Variants in MLYCD observed in about 807,000 individuals in gnomAD.
The protein encoded by MLYCD is malonyl-CoA decarboxylase, also known as malonyl-CoA decarboxylase, mitochondrial.
A neutral mutation model predicts 35.8 loss-of-function variants in MLYCD; 27 were observed. That is an observed-to-expected ratio of 0.75 (90% CI 0.56 to 1.04). The LOEUF (loss-of-function observed/expected upper bound fraction) is 1.04. MLYCD is among the 50% of genes least tolerant of loss of function. The probability of loss-of-function intolerance (pLI) is 0.00; values close to 1 mark genes in which losing one functional copy is unlikely to be tolerated. For missense variants in MLYCD, 917 were observed against 665.1 expected (o/e 1.38, Z -4.17); for synonymous variants, 403 against 302.4 (o/e 1.33, Z -3.45).
rs770932669 is a variant in MLYCD at position 83,899,595 on chromosome 16, G to T, written c.451G>T (p.Val151Leu). ...FHHISKLDGG[V>L]RFLVQLRADL... ...CCACATCAGCAAGCTGGACGGCGGC[G>T]TGCGCTTCCTGGTGCAGCTGCGGGC... Residue 151 changes from valine (V) to leucine (L), a missense_variant, in exon 1 of 5, where the codon GTG (valine) becomes TTG (leucine). Transcript: ENST00000262430. The T allele has an allele frequency of 2.5e-6, 4 of 1,587,908 alleles. No homozygotes were observed. In the African/African-American group the frequency reaches 5.4e-5, roughly 21 times the overall value.
intron 4 of MLYCD, chr16:83,913,445 T>A (rs1385363454): frequency 6.6e-6 from 1 of 152,260 alleles, no homozygotes; most frequent in East Asian, 1.9e-4. Flanking sequence ...GTCGCTTAAC[T>A]GCCCCTGGGC....
Position 83,923,390 on chromosome 16 carries a change from G to A in MLYCD, c.*7901G>A, listed in dbSNP as rs1411489150. 2.0e-5 allele frequency: 3 copies of A among 152,238 alleles called. No individual in the cohort carries two copies. Among genetic ancestry groups the A allele is most frequent in the Admixed American group, 2.0e-4 (3 of 15,282 alleles). The allele number at this position is 152,238 out of a possible 1,614,324, so 9.4% of individuals were successfully genotyped here. On this transcript the variant is annotated 3_prime_UTR_variant, in exon 5 of 5. Transcript: ENST00000262430. ...ACTCTTAGAAACAAAAGCTGCCCAT[G>A]ATTTCACCACAGAAAGTCTGCCTCA...
Position 83,916,237 on chromosome 16 carries a change from A to C in MLYCD, c.*748A>C, listed in dbSNP as rs1439489813. On this transcript the variant is annotated 3_prime_UTR_variant, in exon 5 of 5. Coordinates refer to ENST00000262430, the MANE Select transcript of MLYCD (RefSeq NM_012213.3). The stretch of plus-strand genomic sequence containing the variant: ...AAGATTAGAGACCTGGGAAGGCTGG[A>C]ATCAGCCAGCCAGCCTACGGGGAGT... 4.1e-6 allele frequency: 4 copies of C among 985,340 alleles called. No individual in the cohort carries two copies. The African/African-American group carries it at 7.0e-5, about 17-fold the overall frequency. The allele number at this position is 985,340 out of a possible 1,614,324, so 61.0% of individuals were successfully genotyped here.
rs1228655340 is a variant in MLYCD at position 83,919,972 on chromosome 16, C to G, written c.*4483C>G. On this transcript the variant is annotated 3_prime_UTR_variant, in exon 5 of 5. Transcript: ENST00000262430. The stretch of plus-strand genomic sequence containing the variant: ...AACACACGCAATTCACAGGACACAA[C>G]AGAACACACGCAGTGCACAGGACAC... 1 of 150,842 alleles carries G rather than the reference C, an allele frequency of 6.6e-6. No individual in the cohort carries two copies. Among genetic ancestry groups the G allele is most frequent in the African/African-American group, 2.5e-5 (1 of 40,690 alleles). 9.3% of individuals were successfully genotyped at this position (150,842 alleles called of 1,614,324 possible).
chr16:83,914,923 C>T (rs368667208), intron 4 of MLYCD, 33 bp from the exon 5 acceptor site: 42 of 1,613,952 alleles, frequency 2.6e-5, no homozygotes, highest in Middle Eastern at 1.6e-4. Flanking sequence ...GTGTTTTCTC[C>T]GCCTTCCTTT....
At position 83,906,967 on chromosome 16, in the gene MLYCD, A is replaced by T; in HGVS notation, c.529-20A>T. 6.2e-7 allele frequency: 1 copy of T among 1,606,338 alleles called. No individual in the cohort carries two copies. Among genetic ancestry groups the T allele is most frequent in the Non-Finnish European group, 8.5e-7 (1 of 1,173,026 alleles). ...ATCTGTCGCACATTGGAGGCCTGGG[A>T]TTTATCTTCTCCTTTTCAGGAAATG... On this transcript the variant is annotated intron_variant, in intron 1 of 4. Transcript: ENST00000262430.
chr16:83,899,333 C>T lies in MLYCD; in HGVS notation c.189C>T (p.Pro63=), dbSNP rs1317261097. 1.3e-6 allele frequency: 2 copies of T among 1,507,912 alleles called. No individual in the cohort carries two copies. Among genetic ancestry groups the T allele is most frequent in the Non-Finnish European group, 1.8e-6 (2 of 1,135,940 alleles). The allele number at this position is 1,507,912 out of a possible 1,614,324, so 93.4% of individuals were successfully genotyped here. Residue 63 remains proline, a synonymous_variant, in exon 1 of 5, where the codon CCC becomes CCT. Coordinates refer to ENST00000262430, the MANE Select transcript of MLYCD (RefSeq NM_012213.3). ...AYELREKTPA[P]AEGQCADFVS... ...AGCTGCGCGAGAAGACACCGGCGCC[C>T]GCCGAGGGTCAGTGCGCGGACTTCG...
At position 83,916,124 on chromosome 16, in the gene MLYCD, G is replaced by A. The variant is rs1255324284; in HGVS notation, c.*635G>A. Reference sequence around the variant, plus strand: ...GGATAATAGGCTTTAAATGATCAGGGATTCAGGTTCATAATGAACTTCACA... The same window carrying A: ...GGATAATAGGCTTTAAATGATCAGGAATTCAGGTTCATAATGAACTTCACA... On this transcript the variant is annotated 3_prime_UTR_variant, in exon 5 of 5. Coordinates refer to ENST00000262430, the MANE Select transcript of MLYCD (RefSeq NM_012213.3). 1.4e-5 allele frequency: 14 copies of A among 993,116 alleles called. No individual in the cohort carries two copies. The highest frequency in any genetic ancestry group is 1.7e-5 in the Non-Finnish European group (14 of 833,482). 61.5% of individuals were successfully genotyped at this position (993,116 alleles called of 1,614,324 possible). A position where few individuals can be genotyped will look rare whatever the true frequency, so the allele number is the denominator to read the frequency against.
chr16:83,921,835 G>C lies in MLYCD; in HGVS notation c.*6346G>C, dbSNP rs1907664761. The C allele has an allele frequency of 6.6e-6, 1 of 152,264 alleles. No individual in the cohort carries two copies. Among genetic ancestry groups the C allele is most frequent in the Non-Finnish European group, 1.5e-5 (1 of 68,100 alleles). 9.4% of individuals were successfully genotyped at this position (152,264 alleles called of 1,614,324 possible). A position where few individuals can be genotyped will look rare whatever the true frequency, so the allele number is the denominator to read the frequency against. ...AGGAGACAAAAGCAGAACAAAAGCA[G>C]ACAGCGGCCAGGTCTGAGGGTGATA... On this transcript the variant is annotated 3_prime_UTR_variant, in exon 5 of 5. Transcript: ENST00000262430.
At chr16:83,909,157 A>G (rs1461151060) in intron 3 of MLYCD, among the ~76,000 whole-genome samples, 1 of 152,130 alleles carries the variant, frequency 6.6e-6, no homozygotes, top group Admixed American at 6.5e-5. Context: ...GGCCATTCTG[A>G]CTTCTCTGAG....
intron 1 of MLYCD, among the ~76,000 whole-genome samples, chr16:83,900,396 T>C (rs1906742260): frequency 6.6e-6 from 1 of 152,168 alleles, no homozygotes; most frequent in Non-Finnish European, 1.5e-5. Flanking sequence ...TCTTTTATAC[T>C]GTTAGTATTA....
chr16:83,902,325 C>G (rs1303731745), intron 1 of MLYCD, among the ~76,000 whole-genome samples: 1 of 150,320 alleles, frequency 6.7e-6, no homozygotes. Flanking sequence ...ATCCCAAGTG[C>G]TGGGATTATA....
chr16:83,907,893 A>T (rs905873527), intron 2 of MLYCD, among the ~76,000 whole-genome samples: 7 of 152,262 alleles, frequency 4.6e-5, no homozygotes, highest in Middle Eastern at 3.4e-3. Flanking sequence ...ACTCCTTTTA[A>T]AACTGGGGTT....
intron 1 of MLYCD, among the ~76,000 whole-genome samples, chr16:83,904,405 TGA>T (rs762258234): frequency 1.3e-3 from 193 of 152,240 alleles, no homozygotes; most frequent in Non-Finnish European, 9.3e-4. Flanking sequence ...CGTAAGAGTG[TGA>T]GAGGATCCCA....
Position 83,926,212 on chromosome 16 carries a change from GCCCT to G in MLYCD, c.*10731_*10734del, listed in dbSNP as rs1907801795. Reference sequence around the variant, plus strand: ...GGTGCTGTGTGGGAACAGAGCACAGGCCCTCCCTCCCAGAGCCCACGAGATCTCA... The same window carrying G: ...GGTGCTGTGTGGGAACAGAGCACAGGCCCTCCCAGAGCCCACGAGATCTCA... On this transcript the variant is annotated 3_prime_UTR_variant, in exon 5 of 5. Transcript: ENST00000262430. The G allele has an allele frequency of 1.3e-5, 2 of 152,104 alleles. No individual in the cohort carries two copies. The highest frequency in any genetic ancestry group is 1.3e-4 in the Admixed American group (2 of 15,250). 9.4% of individuals were successfully genotyped at this position (152,104 alleles called of 1,614,324 possible).
rs1907735597 is a variant in MLYCD, at chr16:83,924,119, G to T, written c.*8630G>T. The T allele has an allele frequency of 6.6e-6, 1 of 152,298 alleles. No homozygotes were observed. The highest frequency in any genetic ancestry group is 6.5e-5 in the Admixed American group (1 of 15,284). The allele number at this position is 152,298 out of a possible 1,614,324, so 9.4% of individuals were successfully genotyped here. A position where few individuals can be genotyped will look rare whatever the true frequency, so the allele number is the denominator to read the frequency against. Reference sequence around the variant, plus strand: ...GCCAGCGAGGGGCAGCCAGACCACGGGAAGACAGGAGGAACCCGGACCTGG... The same window carrying T: ...GCCAGCGAGGGGCAGCCAGACCACGTGAAGACAGGAGGAACCCGGACCTGG... On this transcript the variant is annotated 3_prime_UTR_variant, in exon 5 of 5. Transcript: ENST00000262430.
Position 83,907,096 on chromosome 16 carries a change from G to A in MLYCD, c.638G>A (p.Ser213Asn), listed in dbSNP as rs1371831725. ...CCGTGTGAAGTGCTTCAGAAAATCAGTGAGTAAGTATTACGGTTTTCATTT... is the reference window on the plus strand; with the variant it reads ...CCGTGTGAAGTGCTTCAGAAAATCAATGAGTAAGTATTACGGTTTTCATTT... ...HSPCEVLQKI[S>N]EAEAVHPVKN... Residue 213 changes from serine (S) to asparagine (N), a missense_variant, in exon 2 of 5, where the codon AGT (serine) becomes AAT (asparagine). Ser to Asn is a conservative substitution (Grantham distance 46). Coordinates refer to ENST00000262430, the MANE Select transcript of MLYCD (RefSeq NM_012213.3). 17 of 1,610,106 alleles carry A rather than the reference G, an allele frequency of 1.1e-5. No homozygotes were observed. The highest frequency in any genetic ancestry group is 1.4e-5 in the Non-Finnish European group (16 of 1,176,390).
chr16:83,900,471 G>A (rs982559189), intron 1 of MLYCD, among the ~76,000 whole-genome samples: 1 of 151,880 alleles, frequency 6.6e-6, no homozygotes, highest in African/African-American at 2.4e-5. Context: ...CTGGAGTACA[G>A]TGGTGTTATC....
intron 3 of MLYCD, among the ~76,000 whole-genome samples, chr16:83,909,396 G>C (rs531393189): frequency 6.6e-6 from 1 of 152,192 alleles, no homozygotes; most frequent in Non-Finnish European, 1.5e-5. Context: ...GTGTACATCA[G>C]ATATCTGTGC....
Sources: allele counts gnomAD v4.1 joint callset (sites outside exome capture counted in the v4.1 genomes callset), GRCh38; gene constraint gnomAD v4.1.1; transcripts MANE v1.5; gene names NCBI Gene and HGNC (gene_info 2026-07-23, HGNC 2026-07-21).